Variants in EOGT observed in about 807,000 individuals in gnomAD.
EOGT encodes the protein EGF domain specific O-linked N-acetylglucosamine transferase, also known as EGF domain-specific O-linked N-acetylglucosamine transferase.
EOGT carries 55 observed loss-of-function variants against 70.5 expected under a neutral mutation model. That is an observed-to-expected ratio of 0.78 (90% CI 0.63 to 0.98). EOGT has a LOEUF of 0.98. Among genes scored for constraint, EOGT ranks in the 50% least tolerant of loss-of-function variants. The probability of loss-of-function intolerance (pLI) is 0.00; values close to 1 mark genes in which losing one functional copy is unlikely to be tolerated. For missense variants in EOGT, 703 were observed against 641.9 expected, an observed-to-expected ratio of 1.10 and a Z score of -1.03; for synonymous variants, 246 against 217.1, an observed-to-expected ratio of 1.13 and a Z score of -1.17.
At chr3:68,988,739 A>G in intron 11 of EOGT, 162 bp from the exon 12 acceptor site, 1 of 650,196 alleles carries the variant, frequency 1.5e-6, no homozygotes, top group Non-Finnish European at 2.5e-6. Flanking sequence ...TTTTGGAAAG[A>G]TTATAGAAAA....
chr3:68,992,008 ACCTCCCCTTGGGTC>A (rs1215708099), intron 10 of EOGT, among the ~76,000 whole-genome samples: 3 of 152,056 alleles, frequency 2.0e-5, no homozygotes, highest in Non-Finnish European at 4.4e-5. Context: ...TGATTCAATT[ACCTCCCCTTGGGTC>A]CCTCCCATAA....
chr3:68,995,806 G>A (rs1234353502), intron 10 of EOGT, among the ~76,000 whole-genome samples: 1 of 152,088 alleles, frequency 6.6e-6, no homozygotes, highest in Non-Finnish European at 1.5e-5. Flanking sequence ...CACAGGTCTG[G>A]GGTCAGGCTG....
intron 15 of EOGT, among the ~76,000 whole-genome samples, chr3:68,982,211 C>A (rs1379075312): frequency 6.6e-6 from 1 of 152,060 alleles, no homozygotes; most frequent in Non-Finnish European, 1.5e-5. Flanking sequence ...GGCCAGTCTG[C>A]CAATTTTTTA....
chr3:68,979,321 A>G (rs2090565024), intron 16 of EOGT, among the ~76,000 whole-genome samples: 1 of 152,224 alleles, frequency 6.6e-6, no homozygotes, highest in Non-Finnish European at 1.5e-5. Flanking sequence ...TGCATGAGAC[A>G]TAAATGCTTT....
At chr3:69,010,496 C>T (rs961543576) in intron 3 of EOGT, among the ~76,000 whole-genome samples, 1 of 152,238 alleles carries the variant, frequency 6.6e-6, no homozygotes, top group African/African-American at 2.4e-5. Context: ...AAATCTGCAG[C>T]TTCCCAGCTG....
chr3:68,981,911 AT>A lies in EOGT; in HGVS notation c.1214+899del, dbSNP rs776620506. ...CACCTAAATTTTGAACTAGTTGCCA[AT>A]TTTTTTTTTTTTGAGACAGAGCCTC... is the stretch of plus-strand genomic sequence containing the variant. On this transcript the variant is annotated intron_variant, in intron 15 of 17. Transcript: ENST00000383701. 8.8e-3 allele frequency among the ~76,000 whole-genome samples: 1,282 copies of A among 145,462 alleles called. 25 individuals are homozygous for A. Among genetic ancestry groups the A allele is most frequent in the African/African-American group, 0.03 (1,181 of 39,902 alleles).
At chr3:68,988,697 A>G in intron 11 of EOGT, 120 bp from the exon 12 acceptor site, 4 of 676,062 alleles carry the variant, frequency 5.9e-6, no homozygotes, top group Non-Finnish European at 9.7e-6. Context: ...TGAATAGCAC[A>G]CTATTTCATT....
chr3:68,985,916 C>T (rs936380851), intron 14 of EOGT, among the ~76,000 whole-genome samples: 2 of 152,196 alleles, frequency 1.3e-5, no homozygotes, highest in Admixed American at 6.6e-5. Flanking sequence ...CTGTGTTCCT[C>T]CTGCAGGCTC....
intron 10 of EOGT, among the ~76,000 whole-genome samples, chr3:68,991,968 C>T (rs377049384): frequency 3.9e-5 from 6 of 152,266 alleles, no homozygotes; most frequent in South Asian, 4.2e-4. Context: ...TTCACTATCA[C>T]GAGAATAGCA....
intron 8 of EOGT, among the ~76,000 whole-genome samples, chr3:69,002,649 C>A (rs894439609): frequency 4.1e-5 from 6 of 146,622 alleles, no homozygotes; most frequent in Non-Finnish European, 1.5e-5. Context: ...AAGGTTTGCT[C>A]AGCATGAATT....
At position 68,978,333 on chromosome 3, in the gene EOGT, C is replaced by A. The variant is rs750418671; in HGVS notation, c.1437G>T (p.Lys479Asn). The change falls in exon 17 of 18, where the codon AAG becomes AAT. Residue 479 changes from lysine to asparagine, a missense_variant and splice_region_variant. By Grantham distance (94) the Lys-to-Asn change is moderately conservative. Transcript: ENST00000383701. Reference protein sequence around the residue: ...RRQNKVFPQDKGHHPTLGEHP... With the variant: ...RRQNKVFPQDNGHHPTLGEHP... ...GGTAAGTTTTGTGATTGAACTTTACCTTATCCTGAGGAAAGACTTTGTTCT... is the reference window on the plus strand; with the variant it reads ...GGTAAGTTTTGTGATTGAACTTTACATTATCCTGAGGAAAGACTTTGTTCT... 1.2e-6 allele frequency: 2 copies of A among 1,608,972 alleles called. No individual in the cohort carries two copies. The highest frequency in any genetic ancestry group is 1.7e-6 in the Non-Finnish European group (2 of 1,177,584).
chr3:69,011,701 C>T (rs984395525), intron 3 of EOGT, among the ~76,000 whole-genome samples: 1 of 151,772 alleles, frequency 6.6e-6, no homozygotes, highest in East Asian at 1.9e-4. Flanking sequence ...ACAGTGGGGA[C>T]ACCAAAAAGG....
chr3:69,004,559 G>T, intron 7 of EOGT, 77 bp from the exon 8 acceptor site: 1 of 910,566 alleles, frequency 1.1e-6, no homozygotes, highest in Non-Finnish European at 1.8e-6. Context: ...AACTAAAGTG[G>T]ATTACCAATT....
chr3:68,978,276 T>C (rs915180217), intron 17 of EOGT, 57 bp downstream of exon 17: 5 of 1,240,500 alleles, frequency 4.0e-6, no homozygotes, highest in Non-Finnish European at 5.8e-6. Flanking sequence ...TATCAATAAT[T>C]GGATACTTTA....
intron 13 of EOGT, chr3:68,988,003 C>T (rs1037836905): frequency 4.8e-6 from 2 of 414,650 alleles, no homozygotes; most frequent in Non-Finnish European, 8.6e-6. Flanking sequence ...CAGCCTCTGC[C>T]TCCTGGGTTC....
At chr3:68,978,043 T>C (rs187491348) in intron 17 of EOGT, among the ~76,000 whole-genome samples, 13 of 152,356 alleles carry the variant, frequency 8.5e-5, no homozygotes, top group Admixed American at 5.2e-4. Flanking sequence ...AAACATGTCA[T>C]GGGCTGGATT....
chr3:68,982,917 A>T, intron 14 of EOGT, 45 bp from the exon 15 acceptor site: 1 of 1,514,746 alleles, frequency 6.6e-7, no homozygotes, highest in Non-Finnish European at 9.0e-7. Flanking sequence ...TCCTTCTTTC[A>T]CTTCTGTTTT....
chr3:69,003,100 C>A (rs2091344266), intron 8 of EOGT, among the ~76,000 whole-genome samples: 1 of 151,982 alleles, frequency 6.6e-6, no homozygotes, highest in South Asian at 2.1e-4. Context: ...CCCTCCCCGT[C>A]CTCCTCCCCC....
chr3:68,979,580 A>T, intron 16 of EOGT, 88 bp downstream of exon 16: 1 of 1,373,728 alleles, frequency 7.3e-7, no homozygotes, highest in Non-Finnish European at 1.0e-6. Context: ...ATTAAATATT[A>T]AGCCTTTTGA....
Sources: gnomAD v4.1 joint callset for allele counts (sites outside exome capture counted in the v4.1 genomes callset) on GRCh38, gnomAD v4.1.1 for gene constraint, MANE v1.5 for transcripts, NCBI Gene and HGNC (gene_info 2026-07-23, HGNC 2026-07-21) for gene names.